SCRG1: variants seen among roughly 807,000 people sequenced by gnomAD.
SCRG1 encodes the protein scrapie-responsive protein 1.
In SCRG1, 3 loss-of-function variants were observed where a neutral mutation model predicts 7.7. The ratio of observed to expected loss-of-function variants is 0.39; its 90% CI spans 0.18 to 1.01. The LOEUF is 1.01. SCRG1 is among the 50% of genes least tolerant of loss of function. The probability of loss-of-function intolerance (pLI) is 0.36; values close to 1 mark genes in which losing one functional copy is unlikely to be tolerated. For synonymous variants in SCRG1, 46 were observed against 41.2 expected (o/e 1.12, Z -0.44); for missense variants, 110 against 117.2 (o/e 0.94, Z 0.28).
At chr4:173,420,389 A>G in the SCRG1 span, among the ~76,000 whole-genome samples, 1 of 152,196 alleles carries the variant, frequency 6.6e-6, no homozygotes, top group Non-Finnish European at 1.5e-5. Context: ...CAATCTTTTA[A>G]ACAATGCTTG....
chr4:173,458,472 C>T, the SCRG1 span, among the ~76,000 whole-genome samples: 1 of 152,146 alleles, frequency 6.6e-6, no homozygotes, highest in Non-Finnish European at 1.5e-5. Flanking sequence ...CAAGCAAAAG[C>T]TGAAGGAATG....
the SCRG1 span, among the ~76,000 whole-genome samples, chr4:173,434,410 A>G: frequency 3.2e-4 from 49 of 152,224 alleles, 2 homozygotes; most frequent in Admixed American, 3.1e-3. Context: ...ACAACTGTAA[A>G]CCACATATTT....
chr4:173,474,652 G>A, the SCRG1 span, among the ~76,000 whole-genome samples: 2 of 152,192 alleles, frequency 1.3e-5, no homozygotes. Flanking sequence ...CGGATGTCAT[G>A]AGAAGTTAAG....
the SCRG1 span, among the ~76,000 whole-genome samples, chr4:173,504,043 C>T: frequency 3.9e-5 from 6 of 152,162 alleles, no homozygotes; most frequent in African/African-American, 4.8e-5. The surrounding 1 kb of genome is among the most constrained non-coding windows in gnomAD (Gnocchi z 4.7). Context: ...TCTGGAGCAC[C>T]GAACCCACTC....
the SCRG1 span, among the ~76,000 whole-genome samples, chr4:173,451,696 T>G: frequency 6.6e-6 from 1 of 151,066 alleles, no homozygotes; most frequent in Non-Finnish European, 1.5e-5. Flanking sequence ...TGAGACAGAG[T>G]CTCGCTTTGT....
the SCRG1 span, among the ~76,000 whole-genome samples, chr4:173,491,213 CTCTCTT>C: frequency 9.8e-6 from 1 of 101,928 alleles, no homozygotes; most frequent in African/African-American, 2.8e-5. Flanking sequence ...CTCTCTCTCT[CTCTCTT>C]TTTTTTTTTT....
the SCRG1 span, among the ~76,000 whole-genome samples, chr4:173,450,771 C>T: frequency 3.9e-5 from 6 of 152,170 alleles, no homozygotes; most frequent in Non-Finnish European, 8.8e-5. Flanking sequence ...AGACCCTCAA[C>T]TAAGAGTAGT....
the SCRG1 span, among the ~76,000 whole-genome samples, chr4:173,488,135 T>TAAA: frequency 5.0e-4 from 50 of 99,966 alleles, no homozygotes; most frequent in East Asian, 9.0e-3. Flanking sequence ...ATAAATAAAT[T>TAAA]TAAAAAATGG....
the SCRG1 span, among the ~76,000 whole-genome samples, chr4:173,430,485 C>G: frequency 6.6e-6 from 1 of 152,100 alleles, no homozygotes; most frequent in South Asian, 2.1e-4. Context: ...ACTCACAATT[C>G]TAAATTACAA....
At chr4:173,424,197 CA>C in the SCRG1 span, among the ~76,000 whole-genome samples, 7 of 152,092 alleles carry the variant, frequency 4.6e-5, no homozygotes, top group Non-Finnish European at 1.5e-5. Context: ...GAGCAGACCA[CA>C]AAAACTTCAG....
At chr4:173,512,087 G>A in the SCRG1 span, among the ~76,000 whole-genome samples, 5 of 152,318 alleles carry the variant, frequency 3.3e-5, no homozygotes, top group Middle Eastern at 3.4e-3. Context: ...GCCAACATAT[G>A]CACACATTAA....
At chr4:173,473,789 A>C in the SCRG1 span, among the ~76,000 whole-genome samples, 3 of 152,212 alleles carry the variant, frequency 2.0e-5, no homozygotes, top group Admixed American at 6.5e-5. Flanking sequence ...AAGAGCTTGA[A>C]TACATCCCGA....
the SCRG1 span, among the ~76,000 whole-genome samples, chr4:173,458,267 G>GA: frequency 6.6e-6 from 1 of 152,110 alleles, no homozygotes; most frequent in Non-Finnish European, 1.5e-5. Context: ...GTCAGTGAAA[G>GA]AAAAAATCAG....
chr4:173,416,953 C>G, the SCRG1 span, among the ~76,000 whole-genome samples: 19 of 85,998 alleles, frequency 2.2e-4, no homozygotes, highest in African/African-American at 5.6e-4. Context: ...CACACACACA[C>G]AGTCACATCA....
chr4:173,496,022 G>A, the SCRG1 span, among the ~76,000 whole-genome samples: 3 of 152,092 alleles, frequency 2.0e-5, no homozygotes, highest in Non-Finnish European at 4.4e-5. Flanking sequence ...AAGACAACAT[G>A]TGCAAAGATA....
At chr4:173,497,939 C>T in the SCRG1 span, among the ~76,000 whole-genome samples, 1 of 152,254 alleles carries the variant, frequency 6.6e-6, no homozygotes, top group East Asian at 1.9e-4. Flanking sequence ...CTCGGCCTCC[C>T]AAAGTGCGGG....
chr4:173,485,106 A>ATG, the SCRG1 span, among the ~76,000 whole-genome samples: 2 of 15,674 alleles, frequency 1.3e-4, no homozygotes, highest in South Asian at 2.2e-3. Context: ...TATATATTAT[A>ATG]TATTATATAA....
At chr4:173,396,047 T>C (rs550899423) in intron 1 of SCRG1, among the ~76,000 whole-genome samples, 1 of 152,234 alleles carries the variant, frequency 6.6e-6, no homozygotes, top group South Asian at 2.1e-4. Context: ...AGATTGGAAA[T>C]AGAAGAAAAC....
the SCRG1 span, among the ~76,000 whole-genome samples, chr4:173,477,039 G>A: frequency 1.3e-5 from 2 of 152,164 alleles, no homozygotes; most frequent in African/African-American, 4.8e-5. Context: ...GGAATTGGCT[G>A]CCAGATATTT....
Sources: allele counts gnomAD v4.1 joint callset (sites outside exome capture counted in the v4.1 genomes callset), GRCh38; gene constraint gnomAD v4.1.1; non-coding constraint Gnocchi (gnomAD v3.1); transcripts MANE v1.5; gene names NCBI Gene and HGNC (gene_info 2026-07-23, HGNC 2026-07-21).